The following AQR variants were observed in gnomAD, a reference collection of about 807,000 sequenced individuals.
AQR encodes the protein aquarius intron-binding spliceosomal factor.
Under a neutral mutation model 180.5 loss-of-function variants are expected in AQR, and 61 were observed. That is an observed-to-expected ratio of 0.34 (90% confidence interval 0.28 to 0.42). The LOEUF is 0.42. Among genes scored for constraint, AQR ranks in the 10% least tolerant of loss-of-function variants. The pLI is 1.00. For synonymous variants in AQR, 551 were observed against 588.8 expected (o/e 0.94, Z 0.93); for missense variants, 1,281 against 1,798.3 (o/e 0.71, Z 5.20).
chr15:34,920,335 C>A lies in AQR; in HGVS notation c.1218G>T (p.Leu406Phe). ...TTCAGAGAACATTAATATTTACCAGCAATTCTAGAAGAAATTCTTTATCAA... is the reference window on the plus strand; with the variant it reads ...TTCAGAGAACATTAATATTTACCAGAAATTCTAGAAGAAATTCTTTATCAA... ...TTFDKEFLLE[L>F]LVSRHERRIS... is the part of the protein sequence containing the mutation. Residue 406 changes from leucine to phenylalanine, a missense_variant, in exon 14 of 35, where the codon TTG (leucine) becomes TTT (phenylalanine). This residue lies in a region of AQR where 404 missense variants were observed against 490.9 expected (regional missense o/e 0.82). Coordinates refer to ENST00000156471, the MANE Select transcript of AQR (RefSeq NM_014691.3). 1 of 1,602,378 alleles carries A rather than the reference C, an allele frequency of 6.2e-7. No individual in the cohort carries two copies. Among genetic ancestry groups the A allele is most frequent in the Non-Finnish European group, 8.5e-7 (1 of 1,171,168 alleles).
intron 13 of AQR, among the ~76,000 whole-genome samples, chr15:34,924,963 G>A (rs998532577): frequency 1.6e-4 from 24 of 146,832 alleles, no homozygotes; most frequent in Non-Finnish European, 3.3e-4. Flanking sequence ...TAAAATATAG[G>A]AAAACATTTT....
chr15:34,939,727 CAATTAGT>C (rs1893995961), intron 8 of AQR, among the ~76,000 whole-genome samples: 1 of 152,162 alleles, frequency 6.6e-6, no homozygotes, highest in South Asian at 2.1e-4. Context: ...ATTATAAACA[CAATTAGT>C]AATACATGCC....
intron 13 of AQR, among the ~76,000 whole-genome samples, chr15:34,926,192 A>T (rs1041579135): frequency 2.0e-5 from 3 of 152,046 alleles, no homozygotes; most frequent in Non-Finnish European, 2.9e-5. Context: ...ATAAAAAAAT[A>T]AAAAAATAGT....
intron 1 of AQR, chr15:34,964,533 T>C: frequency 1.7e-6 from 1 of 591,344 alleles, no homozygotes; most frequent in Non-Finnish European, 3.2e-6. Flanking sequence ...AACAAAATCC[T>C]CTCCAACCAC....
At chr15:34,869,828 T>C (rs1190233572) in intron 31 of AQR, 1 of 152,202 alleles carries the variant, frequency 6.6e-6, no homozygotes, top group Non-Finnish European at 1.5e-5. Context: ...TCCTCAAAGA[T>C]ATGGTTACTT....
In AQR at chr15:34,870,809, A is replaced by G; in HGVS notation, c.3711T>C (p.Ile1237=). The G allele has an allele frequency of 1.2e-6, 2 of 1,613,500 alleles. No individual in the cohort carries two copies. Among genetic ancestry groups the G allele is most frequent in the Non-Finnish European group, 1.7e-6 (2 of 1,179,722 alleles). The change falls in exon 31 of 35, where the codon ATT becomes ATC. Residue 1237 remains isoleucine, a synonymous_variant. Transcript: ENST00000156471. ...LTTYNGQKHL[I]RDIINRRCGN... ...CACATCGTCTATTGATGATGTCGCG[A>G]ATAAGATGCTTTTGGCCATTATATG...
Position 34,969,663 on chromosome 15 carries a change from C to T in AQR, c.-50G>A. ...GTGGAAACTAAAGGACCGCTCTGGGCAGCGGCAACCCTGGTCCACTTCCCT... is the reference window on the plus strand; with the variant it reads ...GTGGAAACTAAAGGACCGCTCTGGGTAGCGGCAACCCTGGTCCACTTCCCT... On this transcript the variant is annotated 5_prime_UTR_variant, in exon 1 of 35. Coordinates refer to ENST00000156471, the MANE Select transcript of AQR (RefSeq NM_014691.3). 5 of 1,584,328 alleles carry T rather than the reference C, an allele frequency of 3.2e-6. No individual in the cohort carries two copies. Among genetic ancestry groups the T allele is most frequent in the East Asian group, 2.2e-5 (1 of 44,450 alleles).
At chr15:34,900,472 G>C in intron 20 of AQR, 150 bp downstream of exon 20, 1 of 952,748 alleles carries the variant, frequency 1.0e-6, no homozygotes, top group South Asian at 2.1e-5. Flanking sequence ...ATATAATAAA[G>C]TTATCCCAGT....
chr15:34,953,838 T>C (rs918742960), intron 3 of AQR, among the ~76,000 whole-genome samples: 1 of 152,266 alleles, frequency 6.6e-6, no homozygotes, highest in Admixed American at 6.5e-5. Context: ...CAGAAAATCC[T>C]GGCTCATAAG....
intron 20 of AQR, among the ~76,000 whole-genome samples, chr15:34,899,042 C>T (rs761218338): frequency 4.6e-5 from 7 of 151,358 alleles, no homozygotes; most frequent in East Asian, 3.9e-4. Context: ...TGGTGGCGGG[C>T]GCCTGCAGTC....
Position 34,920,321 on chromosome 15 carries a change from T to G in AQR, c.1221+11A>C. ...AACCACATGCAAAATTCAGAGAACA[T>G]TAATATTTACCAGCAATTCTAGAAG... On this transcript the variant is annotated intron_variant, in intron 14 of 34. Transcript: ENST00000156471. 6.3e-7 allele frequency: 1 copy of G among 1,577,260 alleles called. No homozygotes were observed. The highest frequency in any genetic ancestry group is 8.7e-7 in the Non-Finnish European group (1 of 1,149,136).
At chr15:34,882,815 G>A (rs769403705) in intron 26 of AQR, among the ~76,000 whole-genome samples, 176 bp from the exon 27 acceptor site, 3 of 152,096 alleles carry the variant, frequency 2.0e-5, no homozygotes, top group Non-Finnish European at 4.4e-5. Flanking sequence ...TTAAATAATA[G>A]CTGATATAAA....
chr15:34,944,965 C>T (rs967442711), intron 5 of AQR, among the ~76,000 whole-genome samples: 3 of 152,198 alleles, frequency 2.0e-5, no homozygotes, highest in African/African-American at 7.2e-5. Flanking sequence ...TAGTTGTTTT[C>T]ATTCACTTCT....
At chr15:34,959,166 T>C (rs1894378895) in intron 3 of AQR, among the ~76,000 whole-genome samples, 1 of 152,126 alleles carries the variant, frequency 6.6e-6, no homozygotes, top group Non-Finnish European at 1.5e-5. Flanking sequence ...TCAGTCTCTT[T>C]TTGTTGTTTG....
At position 34,886,608 on chromosome 15, in the gene AQR, A is replaced by G. The variant is rs1566982400; in HGVS notation, c.2735T>C (p.Val912Ala). Residue 912 changes from valine (V) to alanine (A), a missense_variant, in exon 25 of 35, where the codon GTC (valine) becomes GCC (alanine). Coordinates refer to ENST00000156471, the MANE Select transcript of AQR (RefSeq NM_014691.3). The part of the protein sequence containing the change: ...LARRIELLEE[V>A]KRLQKSLGVP... ...CCCTAGACTCTTTTGCAATCGTTTG[A>G]CTTCTTCTAAAAGTTCTATTCTTCG... The G allele has an allele frequency of 6.2e-6, 10 of 1,613,970 alleles. No individual in the cohort carries two copies. The highest frequency in any genetic ancestry group is 8.5e-6 in the Non-Finnish European group (10 of 1,179,948).
At chr15:34,944,508 C>A in intron 5 of AQR, 80 bp from the exon 6 acceptor site, 16 of 1,408,116 alleles carry the variant, frequency 1.1e-5, no homozygotes, top group Non-Finnish European at 1.5e-5. Context: ...GGCTTTTTAG[C>A]AGTCTATTAA....
At chr15:34,943,258 C>T in intron 6 of AQR, 1 of 1,601,352 alleles carries the variant, frequency 6.2e-7, no homozygotes, top group Non-Finnish European at 8.5e-7. Context: ...TGGAAAAAGG[C>T]TAAAACTACA....
intron 31 of AQR, chr15:34,869,161 C>G (rs552339683): frequency 6.6e-6 from 1 of 152,088 alleles, no homozygotes. Context: ...TACATCCTTG[C>G]CAACATTTGT....
At chr15:34,910,019 T>C in intron 17 of AQR, 116 bp downstream of exon 17, 2 of 1,209,420 alleles carry the variant, frequency 1.7e-6, no homozygotes, top group Non-Finnish European at 2.3e-6. Context: ...ATTTCAAGGA[T>C]AACGCTTAAT....
Sources: gnomAD v4.1 joint callset for allele counts (sites outside exome capture counted in the v4.1 genomes callset) on GRCh38, gnomAD v4.1.1 for gene constraint, gnomAD v4.1.1 regional missense constraint, MANE v1.5 for transcripts, NCBI Gene and HGNC (gene_info 2026-07-23, HGNC 2026-07-21) for gene names.